Variants in FARS2 observed in about 807,000 individuals in gnomAD.
FARS2 encodes the protein phenylalanine--tRNA ligase, mitochondrial.
A neutral mutation model predicts 46.4 loss-of-function variants in FARS2; 40 were observed. The observed-to-expected ratio is 0.86, with a 90% CI of 0.67 to 1.12. The LOEUF is 1.12. Among genes scored for constraint, FARS2 ranks in the 50% most tolerant of loss-of-function variants. The probability of loss-of-function intolerance (pLI) is 0.00; values close to 1 mark genes in which losing one functional copy is unlikely to be tolerated. For missense variants in FARS2, 513 were observed against 567.9 expected (o/e 0.90, Z 0.98); for synonymous variants, 234 against 214.9 (o/e 1.09, Z -0.78).
intron 5 of FARS2, among the ~76,000 whole-genome samples, chr6:5,557,505 G>A (rs1278587756): frequency 6.6e-6 from 1 of 152,124 alleles, no homozygotes; most frequent in Non-Finnish European, 1.5e-5. Context: ...GGTCTGTGAA[G>A]TTAGCCTGTT....
intron 4 of FARS2, among the ~76,000 whole-genome samples, chr6:5,470,908 A>T (rs1765773566): frequency 6.6e-6 from 1 of 152,186 alleles, no homozygotes. Flanking sequence ...GAATTTTCGC[A>T]GACCTTTCTC....
intron 1 of FARS2, among the ~76,000 whole-genome samples, chr6:5,315,170 TGG>T (rs1447789043): frequency 6.6e-6 from 1 of 152,246 alleles, no homozygotes; most frequent in African/African-American, 2.4e-5. Flanking sequence ...ACAGCCTATC[TGG>T]GTATTATAAT....
chr6:5,721,945 G>C (rs541363404), intron 6 of FARS2, among the ~76,000 whole-genome samples: 1 of 152,336 alleles, frequency 6.6e-6, no homozygotes, highest in East Asian at 1.9e-4. Context: ...GGTTCTCTGT[G>C]TGTGTTTCCC....
At chr6:5,414,814 T>G (rs976086143) in intron 3 of FARS2, among the ~76,000 whole-genome samples, 1 of 134,082 alleles carries the variant, frequency 7.5e-6, no homozygotes, top group Non-Finnish European at 1.6e-5. Flanking sequence ...TATGACTGTT[T>G]TTTTTTTTTT....
At chr6:5,561,724 A>G (rs964107001) in intron 5 of FARS2, among the ~76,000 whole-genome samples, 1 of 152,006 alleles carries the variant, frequency 6.6e-6, no homozygotes, top group Non-Finnish European at 1.5e-5. Flanking sequence ...AGTCTGAGTT[A>G]TTACTCTCCT....
At chr6:5,371,099 C>T (rs1015284772) in intron 2 of FARS2, 30 of 623,408 alleles carry the variant, frequency 4.8e-5, no homozygotes, top group Non-Finnish European at 5.8e-5. Flanking sequence ...TTTCTGTATT[C>T]TGCTTTTTTT....
At chr6:5,635,904 T>C (rs9405858) in intron 6 of FARS2, among the ~76,000 whole-genome samples, 34,950 of 152,154 alleles carry the variant, frequency 0.23, 4,076 homozygotes, top group East Asian at 0.38. Flanking sequence ...AAATAAGAGA[T>C]GTCAGCCATA....
intron 6 of FARS2, among the ~76,000 whole-genome samples, chr6:5,681,227 A>G (rs1423180824): frequency 6.6e-6 from 1 of 152,268 alleles, no homozygotes; most frequent in Admixed American, 6.5e-5. Flanking sequence ...TTGAGAAACA[A>G]ATACATTATA....
chr6:5,463,410 T>C (rs1213405569), intron 4 of FARS2, among the ~76,000 whole-genome samples: 1 of 152,190 alleles, frequency 6.6e-6, no homozygotes, highest in Non-Finnish European at 1.5e-5. Flanking sequence ...TTGTGTACCT[T>C]GGTGTGGATC....
At chr6:5,483,834 G>A (rs189449778) in intron 4 of FARS2, among the ~76,000 whole-genome samples, 1 of 152,254 alleles carries the variant, frequency 6.6e-6, no homozygotes, top group East Asian at 1.9e-4. Context: ...ACCAGAGCTT[G>A]TGGATAGAAG....
chr6:5,586,911 A>G, intron 5 of FARS2, among the ~76,000 whole-genome samples: 1 of 152,296 alleles, frequency 6.6e-6, no homozygotes, highest in South Asian at 2.1e-4. Flanking sequence ...AAGACTGATT[A>G]TAATATATTC....
chr6:5,406,409 C>T (rs1761599235), intron 3 of FARS2, among the ~76,000 whole-genome samples: 1 of 152,190 alleles, frequency 6.6e-6, no homozygotes, highest in Non-Finnish European at 1.5e-5. Flanking sequence ...GGAGTTTCCT[C>T]CTGCTCACTG....
chr6:5,506,263 G>A (rs1582298808), intron 4 of FARS2, among the ~76,000 whole-genome samples: 1 of 152,266 alleles, frequency 6.6e-6, no homozygotes, highest in Middle Eastern at 3.4e-3. Flanking sequence ...AGGGAGTACT[G>A]AGCTCCTAGC....
chr6:5,503,521 A>G (rs146542012), intron 4 of FARS2, among the ~76,000 whole-genome samples: 5 of 151,884 alleles, frequency 3.3e-5, no homozygotes, highest in African/African-American at 9.6e-5. Flanking sequence ...ATCTTATTGC[A>G]TACCGCAAGT....
At chr6:5,590,882 G>T (rs1773881682) in intron 5 of FARS2, among the ~76,000 whole-genome samples, 1 of 152,052 alleles carries the variant, frequency 6.6e-6, no homozygotes, top group South Asian at 2.1e-4. Context: ...ACAGCTCATT[G>T]CTTTGCACAT....
chr6:5,742,261 T>G (rs1361347329), intron 6 of FARS2, among the ~76,000 whole-genome samples: 1 of 152,196 alleles, frequency 6.6e-6, no homozygotes, highest in Non-Finnish European at 1.5e-5. Flanking sequence ...TTCCACAACT[T>G]TGCTTTTAAT....
intron 2 of FARS2, among the ~76,000 whole-genome samples, chr6:5,382,564 G>A (rs1343705123): frequency 6.6e-6 from 1 of 152,154 alleles, no homozygotes; most frequent in East Asian, 1.9e-4. Flanking sequence ...TGTAGCTAGA[G>A]TAACAGTGAT....
intron 1 of FARS2, among the ~76,000 whole-genome samples, chr6:5,312,586 T>C (rs1445964659): frequency 3.3e-5 from 5 of 152,208 alleles, no homozygotes; most frequent in Non-Finnish European, 7.4e-5. Flanking sequence ...TTTTGAAAAG[T>C]AGGGGTTATT....
At chr6:5,331,294 A>G (rs1168826905) in intron 1 of FARS2, among the ~76,000 whole-genome samples, 2 of 151,990 alleles carry the variant, frequency 1.3e-5, no homozygotes, top group African/African-American at 2.4e-5. Flanking sequence ...TTGCCTGACT[A>G]ATGAGTTGTA....
Sources: gnomAD v4.1 joint callset for allele counts (sites outside exome capture counted in the v4.1 genomes callset) on GRCh38, gnomAD v4.1.1 for gene constraint, MANE v1.5 for transcripts, NCBI Gene and HGNC (gene_info 2026-07-23, HGNC 2026-07-21) for gene names.